The following SPOCD1 variants were observed in gnomAD, a reference collection of about 807,000 sequenced individuals.
SPOCD1 encodes the protein SPOC domain-containing protein 1.
SPOCD1 carries 64 observed loss-of-function variants against 92.2 expected under a neutral mutation model. That is an observed-to-expected ratio of 0.69 (90% CI 0.57 to 0.86). The LOEUF is 0.86. Ranked by LOEUF, SPOCD1 falls within the 40% of genes least tolerant of loss-of-function variation. SPOCD1 has a pLI of 0.00. For synonymous variants in SPOCD1, 578 were observed against 619.3 expected (o/e 0.93, Z 0.99); for missense variants, 1,360 against 1,543.1 (o/e 0.88, Z 1.99).
At position 31,801,716 on chromosome 1, in the gene SPOCD1, A is replaced by G. The variant is rs1378156299; in HGVS notation, c.1384-11T>C. Reference sequence around the variant, plus strand: ...TATTTTCACTTCCTCCTTGGAGAGAAAGAGGATGCAGAGATTAGAATCCAG... The same window carrying G: ...TATTTTCACTTCCTCCTTGGAGAGAGAGAGGATGCAGAGATTAGAATCCAG... On this transcript the variant is annotated splice_polypyrimidine_tract_variant and intron_variant, in intron 2 of 15. Coordinates refer to ENST00000360482, the MANE Select transcript of SPOCD1 (RefSeq NM_144569.7). 6.2e-7 allele frequency: 1 copy of G among 1,613,146 alleles called. No homozygotes were observed. Among genetic ancestry groups the G allele is most frequent in the South Asian group, 1.1e-5 (1 of 91,064 alleles).
At chr1:31,810,449 A>G (rs1649126096) in intron 2 of SPOCD1, among the ~76,000 whole-genome samples, 1 of 150,232 alleles carries the variant, frequency 6.7e-6, no homozygotes, top group South Asian at 2.1e-4. Flanking sequence ...GACCTCCTGG[A>G]ATCAGGTGAT....
intron 15 of SPOCD1, 146 bp downstream of exon 15, chr1:31,792,069 A>G (rs1458353701): frequency 3.7e-6 from 3 of 810,632 alleles, no homozygotes; most frequent in Non-Finnish European, 5.8e-6. Context: ...GTGAGCTATT[A>G]CTGTCATTGT....
Position 31,793,266 on chromosome 1 carries a change from G to A in SPOCD1, c.2685+12C>T, listed in dbSNP as rs1449201847. 8.8e-6 allele frequency: 14 copies of A among 1,583,460 alleles called. No homozygotes were observed. The highest frequency in any genetic ancestry group is 1.1e-5 in the Non-Finnish European group (13 of 1,164,956). On this transcript the variant is annotated intron_variant, in intron 13 of 15. Transcript: ENST00000360482. ...TGTGTAAGGGAATCCCTGGCGAGGA[G>A]GGCAGGTGCACCTGGACAAGCCGAC...
chr1:31,799,888 A>G, intron 5 of SPOCD1, 25 bp from the exon 6 acceptor site: 5 of 1,614,118 alleles, frequency 3.1e-6, no homozygotes, highest in Non-Finnish European at 4.2e-6. Flanking sequence ...TGAGGAATTG[A>G]GGCTGTGCTG....
chr1:31,808,638 A>G (rs1386327706), intron 2 of SPOCD1, among the ~76,000 whole-genome samples: 3 of 152,144 alleles, frequency 2.0e-5, no homozygotes, highest in Non-Finnish European at 4.4e-5. Context: ...AGAATAAGTC[A>G]CGGGTTCCTT....
At chr1:31,796,552 T>C (rs1266149047) in intron 10 of SPOCD1, 38 bp downstream of exon 10, 1 of 1,614,232 alleles carries the variant, frequency 6.2e-7, no homozygotes, top group Non-Finnish European at 8.5e-7. Flanking sequence ...CCCCCAGGCA[T>C]GGGCTCTGCC....
intron 2 of SPOCD1, among the ~76,000 whole-genome samples, chr1:31,806,740 A>G (rs1043639932): frequency 1.3e-5 from 2 of 151,936 alleles, no homozygotes; most frequent in African/African-American, 4.8e-5. Flanking sequence ...TTTTCAGTAG[A>G]TACAGGGTTT....
At chr1:31,793,576 G>T in intron 12 of SPOCD1, 148 bp from the exon 13 acceptor site, 1 of 1,487,388 alleles carries the variant, frequency 6.7e-7, no homozygotes, top group South Asian at 1.2e-5. Context: ...GGGCTGCCAG[G>T]AGGCTGGGAT....
At position 31,802,147 on chromosome 1, in the gene SPOCD1, G is replaced by A. The variant is rs146784377; in HGVS notation, c.1384-442C>T. On this transcript the variant is annotated intron_variant, in intron 2 of 15. Coordinates refer to ENST00000360482, the MANE Select transcript of SPOCD1 (RefSeq NM_144569.7). ...CGTGCCACTGCACTCCAACCTGGGTGACAGAGTGAGACTCCATCTCAAAAA... is the reference window on the plus strand; with the variant it reads ...CGTGCCACTGCACTCCAACCTGGGTAACAGAGTGAGACTCCATCTCAAAAA... 3.6e-3 allele frequency among the ~76,000 whole-genome samples: 544 copies of A among 152,230 alleles called. 4 individuals carry two copies. Among genetic ancestry groups the A allele is most frequent in the East Asian group, 0.014 (74 of 5,176 alleles).
In SPOCD1 at chr1:31,793,057, T is replaced by C. The variant is rs558565109; in HGVS notation, c.2685+221A>G. On this transcript the variant is annotated intron_variant, in intron 13 of 15. Transcript: ENST00000360482. ...AACGATCACTCCTAAAACCCTCCTT[T>C]GGGCCCTTCTTGCTATGGGTGACAG... 7.2e-5 allele frequency among the ~76,000 whole-genome samples: 11 copies of C among 152,322 alleles called. No individual in the cohort carries two copies. In the South Asian group the frequency reaches 1.0e-3, roughly 14 times the overall value.
At chr1:31,804,802 T>TA (rs941661249) in intron 2 of SPOCD1, among the ~76,000 whole-genome samples, 29 of 150,986 alleles carry the variant, frequency 1.9e-4, no homozygotes, top group African/African-American at 4.1e-4. Context: ...GGGGATTTTT[T>TA]AAAAAAAAAG....
intron 15 of SPOCD1, 148 bp from the exon 16 acceptor site, chr1:31,791,439 G>A (rs1012311569): frequency 2.5e-5 from 15 of 588,460 alleles, no homozygotes; most frequent in South Asian, 1.5e-4. Context: ...TGAGCTCTGC[G>A]GGATCAAGGC....
At position 31,814,154 on chromosome 1, in the gene SPOCD1, A is replaced by G; in HGVS notation, c.1180T>C (p.Leu394=). 6.3e-7 allele frequency: 1 copy of G among 1,584,766 alleles called. No homozygotes were observed. The part of the protein sequence containing the change: ...ADTCASSREP[L]GGLSSSLDTE... ...TCCAGGGAGGAGCTGAGGCCGCCCA[A>G]GGGCTCCCGGGAGCTGGCACAGGTG... Residue 394 remains leucine (L), a synonymous_variant, in exon 2 of 16, where the codon TTG becomes CTG. Coordinates refer to ENST00000360482, the MANE Select transcript of SPOCD1 (RefSeq NM_144569.7). This position sits in a 1 kb window ranked among gnomAD's most constrained non-coding sequence, Gnocchi z 4.2.
intron 12 of SPOCD1, 58 bp downstream of exon 12, chr1:31,793,689 T>G (rs774864373): frequency 1.9e-5 from 30 of 1,611,092 alleles, no homozygotes. Flanking sequence ...TTGCACCAGG[T>G]GGTGGCCTCC....
chr1:31,793,283 C>T lies in SPOCD1; in HGVS notation c.2680G>A (p.Val894Ile), dbSNP rs1570148406. The T allele has an allele frequency of 6.3e-7, 1 of 1,588,452 alleles. No homozygotes were observed. Among genetic ancestry groups the T allele is most frequent in the Non-Finnish European group, 8.6e-7 (1 of 1,168,036 alleles). Residue 894 changes from valine (V) to isoleucine (I), a missense_variant, in exon 13 of 16, where the codon GTC becomes ATC. Val to Ile is a conservative substitution (Grantham distance 29, BLOSUM62 3). This residue lies in a region of SPOCD1 where 614 missense variants were observed against 757.8 expected (regional missense o/e 0.81). Coordinates refer to ENST00000360482, the MANE Select transcript of SPOCD1 (RefSeq NM_144569.7). ...QLVSGHSCRLVQALPTVIRSA... is the reference protein window; with the variant it reads ...QLVSGHSCRLIQALPTVIRSA... ...GGCGAGGAGGGCAGGTGCACCTGGA[C>T]AAGCCGACAGCTGTGTCCCGAGACC...
chr1:31,809,133 G>A (rs542472459), intron 2 of SPOCD1, among the ~76,000 whole-genome samples: 1 of 152,260 alleles, frequency 6.6e-6, no homozygotes, highest in South Asian at 2.1e-4. Context: ...AGGTTGCAGT[G>A]AGCTGAGATC....
chr1:31,800,182 G>A lies in SPOCD1; in HGVS notation c.1603-41C>T, dbSNP rs999357841. On this transcript the variant is annotated intron_variant, in intron 4 of 15. Transcript: ENST00000360482. ...AGACAAGCTATTGGCCGGAAATGGA[G>A]GCCAGGGACTGTTCCCTCCCCAGAT... 5.2e-6 allele frequency: 8 copies of A among 1,547,452 alleles called. No individual in the cohort carries two copies. The Admixed American group carries it at 6.5e-5, about 13-fold the overall frequency.
At chr1:31,797,970 T>C (rs573555149) in intron 9 of SPOCD1, among the ~76,000 whole-genome samples, 1 of 152,176 alleles carries the variant, frequency 6.6e-6, no homozygotes, top group East Asian at 1.9e-4. Flanking sequence ...GAAAACCAAG[T>C]GTGTCACATC....
chr1:31,800,205 G>C, intron 4 of SPOCD1, 64 bp from the exon 5 acceptor site: 1 of 1,525,012 alleles, frequency 6.6e-7, no homozygotes, highest in Non-Finnish European at 8.8e-7. Flanking sequence ...TCCCTCCCCA[G>C]ATGTACTGGA....
Sources: allele counts gnomAD v4.1 joint callset (sites outside exome capture counted in the v4.1 genomes callset), GRCh38; gene constraint gnomAD v4.1.1; regional missense constraint gnomAD v4.1.1; non-coding constraint Gnocchi (gnomAD v3.1); transcripts MANE v1.5; gene names NCBI Gene and HGNC (gene_info 2026-07-23, HGNC 2026-07-21).